Variants in STAG1 observed in about 807,000 individuals in gnomAD.
The protein encoded by STAG1 is STAG1 cohesin complex component.
A neutral mutation model predicts 170.9 loss-of-function variants in STAG1; 26 were observed. That is an observed-to-expected ratio of 0.15 (90% CI 0.11 to 0.21). The LOEUF is 0.21. Among genes scored for constraint, STAG1 ranks in the 10% least tolerant of loss-of-function variants. The pLI is 1.00. For synonymous variants in STAG1, 514 were observed against 497.7 expected, an observed-to-expected ratio of 1.03 and a Z score of -0.44; for missense variants, 964 against 1,509.5, an observed-to-expected ratio of 0.64 and a Z score of 5.99.
chr3:136,572,277 T>C (rs1937288448), intron 4 of STAG1, among the ~76,000 whole-genome samples: 1 of 151,312 alleles, frequency 6.6e-6, no homozygotes, highest in South Asian at 2.1e-4. Flanking sequence ...ACGAAGGAAC[T>C]GAAAAACAAT....
intron 12 of STAG1, among the ~76,000 whole-genome samples, chr3:136,466,170 T>C (rs1429844020): frequency 6.6e-6 from 1 of 152,200 alleles, no homozygotes; most frequent in Non-Finnish European, 1.5e-5. Context: ...TTTCACGAGC[T>C]GACAGAAGAA....
At position 136,356,776 on chromosome 3, in the gene STAG1, G is replaced by A. The variant is rs373245880; in HGVS notation, c.3065+944C>T. ...TTTTATTTTATTTTTTTATTGAGAC[G>A]GAGTCTCGCTCTGTCACCCAGGCTG... On this transcript the variant is annotated intron_variant, in intron 28 of 33. Coordinates refer to ENST00000383202, the MANE Select transcript of STAG1 (RefSeq NM_005862.3). Among the ~76,000 whole-genome samples the A allele has an allele frequency of 1.5e-4, 23 of 151,774 alleles. No individual in the cohort carries two copies. In the South Asian group the frequency reaches 3.8e-3, roughly 25 times the overall value.
In STAG1 at chr3:136,746,432, T is replaced by TAA. The variant is rs202204024; in HGVS notation, c.-84+5761_-84+5762dup. Among the ~76,000 whole-genome samples, 45 of 145,942 alleles carry TAA rather than the reference T, an allele frequency of 3.1e-4. No homozygotes were observed. The Middle Eastern group carries it at 0.01, about 34-fold the overall frequency. ...AATAAACTAATTATAAATGATGAGCTAAAAAAAAAAACTCACAATGTTTTA... is the reference window on the plus strand; with the variant it reads ...AATAAACTAATTATAAATGATGAGCTAAAAAAAAAAAAACTCACAATGTTTTA... On this transcript the variant is annotated intron_variant, in intron 1 of 33. Coordinates refer to ENST00000383202, the MANE Select transcript of STAG1 (RefSeq NM_005862.3).
chr3:136,439,127 C>T lies in STAG1; in HGVS notation c.1546+4160G>A, dbSNP rs528200354. On this transcript the variant is annotated intron_variant, in intron 15 of 33. Transcript: ENST00000383202. ...ATGAGAATCGCTTGAACCTGGGAGG[C>T]GGAGGTTGCAGTGAGCCGAGATCCG... Among the ~76,000 whole-genome samples, 40 of 132,278 alleles carry T rather than the reference C, an allele frequency of 3.0e-4. No homozygotes were observed. The East Asian group carries it at 7.1e-3, about 24-fold the overall frequency. The allele number at this position is 132,278 out of a possible 152,430, so 86.8% of individuals were successfully genotyped here.
chr3:136,521,445 G>C lies in STAG1; in HGVS notation c.472-28C>G, dbSNP rs1301166420. On this transcript the variant is annotated intron_variant, in intron 6 of 33. Coordinates refer to ENST00000383202, the MANE Select transcript of STAG1 (RefSeq NM_005862.3). ...AAAAAACAGAAAAAGAACATATTAA[G>C]TATGTCACATTACAGAGTTTGATGA... 8.2e-6 allele frequency: 13 copies of C among 1,594,256 alleles called. No individual in the cohort carries two copies. The South Asian group carries it at 8.9e-5, about 11-fold the overall frequency.
chr3:136,473,514 T>C (rs2089674691), intron 11 of STAG1, 25 bp downstream of exon 11: 3 of 1,522,102 alleles, frequency 2.0e-6, no homozygotes, highest in Non-Finnish European at 2.7e-6. Flanking sequence ...AAAAATTAAA[T>C]AAGCTTATCA....
intron 9 of STAG1, among the ~76,000 whole-genome samples, chr3:136,498,467 A>G (rs529339664): frequency 6.6e-6 from 1 of 151,756 alleles, no homozygotes; most frequent in South Asian, 2.1e-4. Flanking sequence ...CAGCACATCA[A>G]TGCTTGCTTG....
Position 136,701,262 on chromosome 3 carries a change from A to G in STAG1, c.-84+50933T>C, listed in dbSNP as rs1399542886. On this transcript the variant is annotated intron_variant, in intron 1 of 33. Transcript: ENST00000383202. ...TCAGAAAACTCTGAATATTGTCCTT[A>G]TTTTTTAATATCCAACTTATCAGGA... Among the ~76,000 whole-genome samples the G allele has an allele frequency of 2.0e-5, 3 of 152,040 alleles. No individual in the cohort carries two copies. The East Asian group carries it at 5.8e-4, about 29-fold the overall frequency.
At chr3:136,526,292 A>G (rs1298665113) in intron 6 of STAG1, among the ~76,000 whole-genome samples, 1 of 152,096 alleles carries the variant, frequency 6.6e-6, no homozygotes, top group Non-Finnish European at 1.5e-5. Context: ...TATTGGGTGA[A>G]TATATATTTA....
intron 4 of STAG1, among the ~76,000 whole-genome samples, chr3:136,586,640 T>G (rs1232682075): frequency 2.0e-5 from 3 of 152,216 alleles, no homozygotes; most frequent in Admixed American, 1.3e-4. Context: ...TTGGCACTAA[T>G]CAGCAGCTTT....
chr3:136,468,635 G>A lies in STAG1; in HGVS notation c.1206-3647C>T, dbSNP rs2089538168. ...CTATTCCAATCAACAGAAAAAGAGG[G>A]AATCCTCCCTAACTCTCCCTGTTAT... On this transcript the variant is annotated intron_variant, in intron 12 of 33. Transcript: ENST00000383202. Among the ~76,000 whole-genome samples, 4 of 151,896 alleles carry A rather than the reference G, an allele frequency of 2.6e-5. No homozygotes were observed. In the South Asian group the frequency reaches 8.3e-4, roughly 32 times the overall value.
At chr3:136,462,083 G>C (rs1176301162) in intron 13 of STAG1, among the ~76,000 whole-genome samples, 1 of 152,080 alleles carries the variant, frequency 6.6e-6, no homozygotes, top group African/African-American at 2.4e-5. Context: ...GTGAATGCTA[G>C]TACACTGTTG....
At chr3:136,503,344 T>C (rs1933582000) in intron 7 of STAG1, among the ~76,000 whole-genome samples, 1 of 152,184 alleles carries the variant, frequency 6.6e-6, no homozygotes, top group South Asian at 2.1e-4. Context: ...AAAATGTACT[T>C]TGTGAATTTC....
At chr3:136,437,570 C>T (rs115794246) in intron 15 of STAG1, among the ~76,000 whole-genome samples, 1 of 152,162 alleles carries the variant, frequency 6.6e-6, no homozygotes, top group African/African-American at 2.4e-5. Flanking sequence ...TGAACTCTGG[C>T]TTCTCCCTTT....
At chr3:136,531,180 C>T (rs1270845032) in intron 6 of STAG1, among the ~76,000 whole-genome samples, 3 of 151,404 alleles carry the variant, frequency 2.0e-5, no homozygotes, top group Non-Finnish European at 4.4e-5. Context: ...CACTGGCCAT[C>T]AGAGAAATGC....
chr3:136,597,855 C>A (rs1938497111), intron 4 of STAG1, among the ~76,000 whole-genome samples: 1 of 151,332 alleles, frequency 6.6e-6, no homozygotes, highest in East Asian at 1.9e-4. Flanking sequence ...ATGCTTATAT[C>A]CTGGGAATAC....
At chr3:136,439,981 C>T (rs2088583539) in intron 15 of STAG1, among the ~76,000 whole-genome samples, 1 of 152,096 alleles carries the variant, frequency 6.6e-6, no homozygotes, top group Admixed American at 6.6e-5. Flanking sequence ...AATGAAACAC[C>T]TAATAGTATA....
intron 4 of STAG1, among the ~76,000 whole-genome samples, chr3:136,571,684 C>T (rs1576620099): frequency 6.6e-6 from 1 of 151,938 alleles, no homozygotes; most frequent in South Asian, 2.1e-4. Context: ...CCAGCCTGGG[C>T]AACATACAAA....
chr3:136,348,894 G>T (rs918067001), intron 29 of STAG1: 7 of 467,352 alleles, frequency 1.5e-5, no homozygotes, highest in Non-Finnish European at 2.7e-5. Context: ...ATATAGTATG[G>T]GGATTGATTT....
Sources: allele counts gnomAD v4.1 joint callset (sites outside exome capture counted in the v4.1 genomes callset), GRCh38; gene constraint gnomAD v4.1.1; transcripts MANE v1.5; gene names NCBI Gene and HGNC (gene_info 2026-07-23, HGNC 2026-07-21).